The following ANK2 variants were observed in gnomAD, a reference collection of about 807,000 sequenced individuals.
ANK2 encodes ankyrin 2.
In ANK2, 83 loss-of-function variants were observed where a neutral mutation model predicts 360.5. The ratio of observed to expected loss-of-function variants is 0.23; its 90% confidence interval spans 0.19 to 0.28. ANK2 has a LOEUF of 0.28. Ranked by LOEUF, ANK2 falls within the 10% of genes least tolerant of loss-of-function variation. ANK2 has a pLI of 1.00. For missense variants in ANK2, 4,201 were observed against 4,795.7 expected (o/e 0.88, Z 3.66); for synonymous variants, 1,740 against 1,759.5 (o/e 0.99, Z 0.28).
At chr4:113,063,377 CAT>C (rs1013516215) in intron 1 of ANK2, among the ~76,000 whole-genome samples, 2 of 152,046 alleles carry the variant, frequency 1.3e-5, no homozygotes, top group African/African-American at 4.8e-5. Context: ...TCTCAGAAAA[CAT>C]ATGGTACTTG....
In ANK2 at chr4:112,901,723, C is replaced by T. The variant is rs539171692; in HGVS notation, c.-39-2732C>T. ...TAAAAATACAAAAATTAGCCGGGCA[C>T]GGTGGCACGTGCCTGTAATCCCAGC... On this transcript the variant is annotated intron_variant, in intron 1 of 30. Coordinates refer to the ANK2 transcript ENST00000503271. Among the ~76,000 whole-genome samples, 25 of 151,642 alleles carry T rather than the reference C, an allele frequency of 1.6e-4. No individual in the cohort carries two copies. The South Asian group carries it at 4.8e-3, about 29-fold the overall frequency.
chr4:112,959,253 A>C (rs758641863), intron 2 of ANK2, among the ~76,000 whole-genome samples: 12 of 152,190 alleles, frequency 7.9e-5, no homozygotes, highest in Non-Finnish European at 1.2e-4. Flanking sequence ...TAGATAAGAC[A>C]GGTTATCTTG....
At chr4:113,240,719 T>A in intron 8 of ANK2, 136 bp downstream of exon 8, 1 of 742,240 alleles carries the variant, frequency 1.3e-6, no homozygotes. Context: ...ATACTAGATT[T>A]TTCATTTCCT....
chr4:113,150,767 T>A (rs1004004020), intron 1 of ANK2, among the ~76,000 whole-genome samples: 46 of 152,154 alleles, frequency 3.0e-4, no homozygotes, highest in African/African-American at 1.0e-3. Context: ...TGGAAAGCAA[T>A]GGCTATAATA....
chr4:113,016,460 C>T (rs575684170), intron 2 of ANK2, among the ~76,000 whole-genome samples: 43 of 152,238 alleles, frequency 2.8e-4, no homozygotes, highest in African/African-American at 1.0e-3. Flanking sequence ...TGGCAACTAT[C>T]CTTTCCACTC....
rs2055867262 is a variant in ANK2 at position 113,266,116 on chromosome 4, C to A, written c.1485+1121C>A. 2.0e-5 allele frequency among the ~76,000 whole-genome samples: 3 copies of A among 152,138 alleles called. No homozygotes were observed. The South Asian group carries it at 6.2e-4, about 32-fold the overall frequency. On this transcript the variant is annotated intron_variant, in intron 14 of 45. Transcript: ENST00000357077. ...ATGCTATTTCTCCCCTAGCCCCCTA[C>A]CCCCGACAGTCTCCAGTGTGTGATG...
intron 2 of ANK2, among the ~76,000 whole-genome samples, chr4:112,984,701 G>A (rs2044269178): frequency 6.6e-6 from 1 of 152,192 alleles, no homozygotes; most frequent in South Asian, 2.1e-4. Flanking sequence ...TGGATGTGTA[G>A]AGCCACAGAA....
At chr4:112,831,823 T>G (rs543423425) in intron 1 of ANK2, among the ~76,000 whole-genome samples, 1 of 152,082 alleles carries the variant, frequency 6.6e-6, no homozygotes, top group South Asian at 2.1e-4. Context: ...ACGAACTCAC[T>G]GGGAGGAATG....
intron 2 of ANK2, among the ~76,000 whole-genome samples, chr4:113,186,463 C>CTTT (rs1385502766): frequency 2.6e-5 from 4 of 152,036 alleles, no homozygotes; most frequent in Middle Eastern, 3.2e-3. Context: ...GGCAAAAAGG[C>CTTT]TGAAAAAAAG....
At chr4:112,809,981 G>T in the ANK2 span, among the ~76,000 whole-genome samples, 1 of 151,448 alleles carries the variant, frequency 6.6e-6, no homozygotes, top group Admixed American at 6.6e-5. Context: ...ACAAATACCT[G>T]TATATTTCTT....
At chr4:113,373,663 T>C in intron 45 of ANK2, 1 of 749,320 alleles carries the variant, frequency 1.3e-6, no homozygotes, top group Non-Finnish European at 2.4e-6. Context: ...CTCATTGTTT[T>C]TGTTTGGTCT....
intron 1 of ANK2, among the ~76,000 whole-genome samples, chr4:113,094,023 T>C (rs1052100718): frequency 9.8e-5 from 15 of 152,356 alleles, no homozygotes; most frequent in African/African-American, 2.6e-4. Flanking sequence ...GTGAAACTTG[T>C]ATAAATGAAT....
At chr4:112,964,723 C>A (rs2036493001) in intron 2 of ANK2, among the ~76,000 whole-genome samples, 1 of 152,038 alleles carries the variant, frequency 6.6e-6, no homozygotes, top group Non-Finnish European at 1.5e-5. Context: ...GCGCCCGCCA[C>A]CACGCCTGGC....
chr4:112,989,977 A>G (rs1299713661), intron 2 of ANK2, among the ~76,000 whole-genome samples: 1 of 152,190 alleles, frequency 6.6e-6, no homozygotes, highest in Non-Finnish European at 1.5e-5. Context: ...TTTAAAAAAT[A>G]ATTCAGGTAT....
chr4:113,164,178 A>G (rs1023471874), intron 1 of ANK2, among the ~76,000 whole-genome samples: 2 of 152,150 alleles, frequency 1.3e-5, no homozygotes, highest in Non-Finnish European at 2.9e-5. Flanking sequence ...GGCGGGAGAT[A>G]TTTAGGCAAG....
chr4:113,128,215 T>C (rs1422184669), intron 1 of ANK2, among the ~76,000 whole-genome samples: 1 of 152,196 alleles, frequency 6.6e-6, no homozygotes. Flanking sequence ...ATTCAAATCT[T>C]AGCTCTACCA....
chr4:113,124,888 G>C (rs1187215233), intron 1 of ANK2, among the ~76,000 whole-genome samples: 1 of 152,110 alleles, frequency 6.6e-6, no homozygotes, highest in African/African-American at 2.4e-5. Context: ...CCAGCACTTT[G>C]GGAGGCTGAG....
At chr4:112,765,606 T>A in the ANK2 span, among the ~76,000 whole-genome samples, 1 of 152,046 alleles carries the variant, frequency 6.6e-6, no homozygotes, top group Non-Finnish European at 1.5e-5. Flanking sequence ...GCTTGCCTTT[T>A]ACCTTATAAT....
intron 43 of ANK2, among the ~76,000 whole-genome samples, chr4:113,371,537 G>A (rs1411446743): frequency 6.6e-6 from 1 of 152,160 alleles, no homozygotes; most frequent in Non-Finnish European, 1.5e-5. Flanking sequence ...AAAGGAATAT[G>A]TTTGTATAAG....
Sources: allele counts gnomAD v4.1 joint callset (sites outside exome capture counted in the v4.1 genomes callset), GRCh38; gene constraint gnomAD v4.1.1; transcripts MANE v1.5; gene names NCBI Gene and HGNC (gene_info 2026-07-23, HGNC 2026-07-21).